Variants in ZNF362 observed in about 807,000 individuals in gnomAD.
ZNF362 encodes zinc finger protein 362, also known as rotund homolog.
In ZNF362, 11 loss-of-function variants were observed where a neutral mutation model predicts 42.9. The observed-to-expected ratio is 0.26, with a 90% CI of 0.16 to 0.42. The LOEUF is 0.42. Ranked by LOEUF, ZNF362 falls within the 20% of genes least tolerant of loss-of-function variation. The pLI is 1.00. For missense variants in ZNF362, 362 were observed against 576.2 expected, an observed-to-expected ratio of 0.63 and a Z score of 3.81; for synonymous variants, 255 against 257.3, an observed-to-expected ratio of 0.99 and a Z score of 0.09.
chr1:33,263,023 C>T (rs1645839707), intron 1 of ZNF362, among the ~76,000 whole-genome samples: 1 of 152,262 alleles, frequency 6.6e-6, no homozygotes. Context: ...TCTGCACATT[C>T]TCCCACACGC....
At chr1:33,167,641 C>T in the ZNF362 span, among the ~76,000 whole-genome samples, 10 of 152,194 alleles carry the variant, frequency 6.6e-5, no homozygotes, top group African/African-American at 2.4e-4. This position sits in a 1 kb window ranked among gnomAD's most constrained non-coding sequence, Gnocchi z 4.2. Flanking sequence ...TGGAAATGGC[C>T]TCTGAGTTCC....
At chr1:33,159,470 G>C in the ZNF362 span, among the ~76,000 whole-genome samples, 1 of 152,142 alleles carries the variant, frequency 6.6e-6, no homozygotes, top group Non-Finnish European at 1.5e-5. This position sits in a 1 kb window ranked among gnomAD's most constrained non-coding sequence, Gnocchi z 4.2. Context: ...TTCAAACTGT[G>C]TTCCTCACCA....
At chr1:33,253,623 C>T (rs561919312), upstream of ZNF362, among the ~76,000 whole-genome samples, 1 of 152,154 alleles carries the variant, frequency 6.6e-6, no homozygotes, top group East Asian at 1.9e-4. Context: ...TTCCAAAGGC[C>T]CCAGCTCAGC....
At chr1:33,225,688 TATAAGTGACTTAAAGA>T in the ZNF362 span, among the ~76,000 whole-genome samples, 4 of 152,164 alleles carry the variant, frequency 2.6e-5, no homozygotes, top group Non-Finnish European at 5.9e-5. Flanking sequence ...GAAACCCAAC[TATAAGTGACTTAAAGA>T]ATAAAGACAT....
At chr1:33,295,763 AT>A (rs1646119207) in intron 8 of ZNF362, among the ~76,000 whole-genome samples, 2 of 152,126 alleles carry the variant, frequency 1.3e-5, no homozygotes, top group African/African-American at 4.8e-5. Flanking sequence ...CTGGGTGGGA[AT>A]TTCCCCAAAC....
chr1:33,268,196 G>T (rs1483881395), intron 1 of ZNF362, among the ~76,000 whole-genome samples: 1 of 152,142 alleles, frequency 6.6e-6, no homozygotes, highest in African/African-American at 2.4e-5. Context: ...ACAGGACTTG[G>T]GTCAATTAGG....
chr1:33,183,435 A>T, the ZNF362 span, among the ~76,000 whole-genome samples: 2 of 152,240 alleles, frequency 1.3e-5, no homozygotes, highest in Non-Finnish European at 2.9e-5. Flanking sequence ...GCAGTTTCTC[A>T]ACATTTTCTT....
the ZNF362 span, among the ~76,000 whole-genome samples, chr1:33,141,331 T>C: frequency 5.9e-5 from 9 of 152,158 alleles, no homozygotes; most frequent in East Asian, 7.7e-4. Context: ...TTGCCTGGGC[T>C]GGGGCCCTCT....
At chr1:33,134,722 G>A in the ZNF362 span, among the ~76,000 whole-genome samples, 1 of 152,232 alleles carries the variant, frequency 6.6e-6, no homozygotes, top group Admixed American at 6.5e-5. Flanking sequence ...GGGTCTCTGG[G>A]TTCTTGGCCC....
At chr1:33,199,672 T>G in the ZNF362 span, 1 of 152,196 alleles carries the variant, frequency 6.6e-6, no homozygotes, top group Non-Finnish European at 1.5e-5. Context: ...TAATCAACAA[T>G]TTAGAGCAAA....
At chr1:33,274,614 C>A (rs995985192) in intron 2 of ZNF362, among the ~76,000 whole-genome samples, 1 of 152,190 alleles carries the variant, frequency 6.6e-6, no homozygotes, top group East Asian at 1.9e-4. Flanking sequence ...GAGGAGGGTG[C>A]TCTGACCCAA....
chr1:33,215,666 A>T, the ZNF362 span, among the ~76,000 whole-genome samples: 1 of 152,132 alleles, frequency 6.6e-6, no homozygotes, highest in Non-Finnish European at 1.5e-5. Flanking sequence ...AACATTTTTT[A>T]AAAATTTAAA....
rs571106080 is a variant in ZNF362, at chr1:33,266,193, G to A, written c.-88-4294G>A. Among the ~76,000 whole-genome samples, 17 of 152,300 alleles carry A rather than the reference G, an allele frequency of 1.1e-4. No individual in the cohort carries two copies. The highest frequency in any genetic ancestry group is 9.8e-4 in the Admixed American group (15 of 15,300). On this transcript the variant is annotated intron_variant, in intron 1 of 8. Transcript: ENST00000539719. The surrounding 1 kb of genome is among the most constrained non-coding windows in gnomAD (Gnocchi z 4.3). ...TTTGAGAAACCTTTGCTCTCCCAGG[G>A]AGTTAACAGTTTTCCAGCTTCTGCA...
At chr1:33,146,863 G>A in the ZNF362 span, 160 of 402,148 alleles carry the variant, frequency 4.0e-4, 1 homozygote, top group African/African-American at 2.7e-3. Context: ...GGGAGACACT[G>A]GAAGGTAGTC....
At chr1:33,276,639 A>T in intron 4 of ZNF362, 45 bp downstream of exon 4, 2 of 1,294,568 alleles carry the variant, frequency 1.5e-6, no homozygotes, top group Admixed American at 8.6e-5. Flanking sequence ...AGGACTGGGC[A>T]GGAGGGGGCG....
At chr1:33,285,800 C>T (rs992954646) in intron 6 of ZNF362, among the ~76,000 whole-genome samples, 2 of 152,212 alleles carry the variant, frequency 1.3e-5, no homozygotes, top group African/African-American at 2.4e-5. Context: ...CCATGGCTCA[C>T]GCCTGTAATC....
the ZNF362 span, chr1:33,160,039 G>A: frequency 2.1e-6 from 3 of 1,462,292 alleles, no homozygotes; most frequent in Middle Eastern, 1.8e-4. Flanking sequence ...CACACAGAGA[G>A]GAAAGGGTGG....
the ZNF362 span, among the ~76,000 whole-genome samples, chr1:33,201,358 G>A: frequency 2.8e-4 from 42 of 152,186 alleles, no homozygotes; most frequent in African/African-American, 8.9e-4. Flanking sequence ...CAGCTAACAC[G>A]GAACATTTAC....
At chr1:33,159,016 T>TA in the ZNF362 span, among the ~76,000 whole-genome samples, 2 of 150,570 alleles carry the variant, frequency 1.3e-5, no homozygotes, top group Non-Finnish European at 3.0e-5. This position sits in a 1 kb window ranked among gnomAD's most constrained non-coding sequence, Gnocchi z 4.2. Flanking sequence ...AATTTTTGTA[T>TA]TTTTTTTTAG....
Sources: gnomAD v4.1 joint callset for allele counts (sites outside exome capture counted in the v4.1 genomes callset) on GRCh38, gnomAD v4.1.1 for gene constraint, Gnocchi (gnomAD v3.1) non-coding constraint, MANE v1.5 for transcripts, NCBI Gene and HGNC (gene_info 2026-07-23, HGNC 2026-07-21) for gene names.